The following RAB15 variants were observed in gnomAD, a reference collection of about 807,000 sequenced individuals.
The protein encoded by RAB15 is RAB15, member RAS oncogene family, also known as ras-related protein Rab-15.
In RAB15, 13 loss-of-function variants were observed where a neutral mutation model predicts 31.8. The observed-to-expected ratio is 0.41, with a 90% CI of 0.27 to 0.65. The LOEUF (loss-of-function observed/expected upper bound fraction) is 0.65. Ranked by LOEUF, RAB15 falls within the 30% of genes least tolerant of loss-of-function variation. RAB15 has a pLI of 0.32. For missense variants in RAB15, 220 were observed against 277.3 expected (o/e 0.79, Z 1.47); for synonymous variants, 100 against 105.6 (o/e 0.95, Z 0.33).
At chr14:64,961,969 C>T (rs1342181512) in intron 1 of RAB15, among the ~76,000 whole-genome samples, 1 of 150,744 alleles carries the variant, frequency 6.6e-6, no homozygotes, top group Non-Finnish European at 1.5e-5. Flanking sequence ...AATCCCAGCA[C>T]TTTGGGAGGC....
In RAB15 at chr14:64,964,524, AAAAAAAG is replaced by A. The variant is rs1443427115; in HGVS notation, c.124+7422_124+7428del. Among the ~76,000 whole-genome samples the A allele has an allele frequency of 9.9e-4, 146 of 147,862 alleles. 2 individuals are homozygous for A. Among genetic ancestry groups the A allele is most frequent in the Non-Finnish European group, 1.8e-3 (123 of 67,444 alleles). On this transcript the variant is annotated intron_variant, in intron 1 of 6. Transcript: ENST00000533601. ...ACAGAGCAAGACTCTGTTTCAAAAA[AAAAAAAG>A]AAAAAAAGAAAAAAGAAAGAAAAGA...
At chr14:64,960,500 T>C (rs894429182) in intron 1 of RAB15, among the ~76,000 whole-genome samples, 38 of 152,206 alleles carry the variant, frequency 2.5e-4, no homozygotes, top group Non-Finnish European at 5.3e-4. Context: ...CCTGCCTTTA[T>C]CACTAATTAC....
chr14:64,960,142 T>A (rs2139988752), intron 1 of RAB15, among the ~76,000 whole-genome samples: 1 of 152,290 alleles, frequency 6.6e-6, no homozygotes, highest in South Asian at 2.1e-4. Flanking sequence ...GGGACAGCGC[T>A]GCTGTTGGAG....
At position 64,970,536 on chromosome 14, in the gene RAB15, C is replaced by G. The variant is rs1386568794; in HGVS notation, c.124+1417G>C. On this transcript the variant is annotated intron_variant, in intron 1 of 6. Transcript: ENST00000533601. The surrounding 1 kb of genome is among the most constrained non-coding windows in gnomAD (Gnocchi z 4.1). ...CCCTAAGTCCTGTTGTTTCACCCTT[C>G]AAGTTGGTGAAACAAAGAGAGGAGA... Among the ~76,000 whole-genome samples, 1 of 152,208 alleles carries G rather than the reference C, an allele frequency of 6.6e-6. No individual in the cohort carries two copies. The highest frequency in any genetic ancestry group is 1.5e-5 in the Non-Finnish European group (1 of 68,046).
In RAB15 at chr14:64,946,740, G is replaced by A. The variant is rs1207402345; in HGVS notation, c.*1614C>T. On this transcript the variant is annotated 3_prime_UTR_variant, in exon 7 of 7. Transcript: ENST00000533601. The stretch of plus-strand genomic sequence containing the variant: ...TTAGTTGATGAATACTCAACACCCA[G>A]TTCTTTGTTTTGGCTGCAGCCACGC... 6.6e-6 allele frequency: 1 copy of A among 152,366 alleles called. No homozygotes were observed. The highest frequency in any genetic ancestry group is 1.5e-5 in the Non-Finnish European group (1 of 68,060). 9.4% of individuals were successfully genotyped at this position (152,366 alleles called of 1,614,324 possible). A position where few individuals can be genotyped will look rare whatever the true frequency, so the allele number is the denominator to read the frequency against.
rs927468483 is a variant in RAB15, at chr14:64,951,335, A to G, written c.247-184T>C. Among the ~76,000 whole-genome samples the G allele has an allele frequency of 6.6e-6, 1 of 152,178 alleles. No individual in the cohort carries two copies. The highest frequency in any genetic ancestry group is 2.4e-5 in the African/African-American group (1 of 41,456). On this transcript the variant is annotated intron_variant, in intron 3 of 6. Coordinates refer to ENST00000533601, the MANE Select transcript of RAB15 (RefSeq NM_001308154.2). This position sits in a 1 kb window ranked among gnomAD's most constrained non-coding sequence, Gnocchi z 7.2. ...TCCCAGGCCCATCACAGAACTCTCT[A>G]CAGCAGGAAGACACCACATGCTTTG...
chr14:64,948,843 A>C lies in RAB15; in HGVS notation c.415-110T>G. 5.3e-6 allele frequency: 5 copies of C among 936,248 alleles called. No homozygotes were observed. The highest frequency in any genetic ancestry group is 8.3e-6 in the Non-Finnish European group (5 of 599,338). The allele number at this position is 936,248 out of a possible 1,614,324, so 58.0% of individuals were successfully genotyped here. A position where few individuals can be genotyped will look rare whatever the true frequency, so the allele number is the denominator to read the frequency against. ...CTCACAACCATGCTGTGTTGTGACG[A>C]TTTCTCAGAGTAGATAATTTCTCAG... On this transcript the variant is annotated intron_variant, in intron 5 of 6. Transcript: ENST00000533601. This position sits in a 1 kb window ranked among gnomAD's most constrained non-coding sequence, Gnocchi z 7.0.
At position 64,970,688 on chromosome 14, in the gene RAB15, C is replaced by T. The variant is rs1391737769; in HGVS notation, c.124+1265G>A. Among the ~76,000 whole-genome samples, 1 of 152,218 alleles carries T rather than the reference C, an allele frequency of 6.6e-6. No homozygotes were observed. ...TCATTTAATCTTGACAACAACTTGGCAGGTAGGTGCAATTATTATACCCGT... is the reference window on the plus strand; with the variant it reads ...TCATTTAATCTTGACAACAACTTGGTAGGTAGGTGCAATTATTATACCCGT... On this transcript the variant is annotated intron_variant, in intron 1 of 6. Coordinates refer to ENST00000533601, the MANE Select transcript of RAB15 (RefSeq NM_001308154.2). The surrounding 1 kb of genome is among the most constrained non-coding windows in gnomAD (Gnocchi z 4.1).
At chr14:64,964,518 CAAAAAAAAAAAAGA>C (rs1887020461) in intron 1 of RAB15, among the ~76,000 whole-genome samples, 3 of 71,940 alleles carry the variant, frequency 4.2e-5, no homozygotes, top group African/African-American at 6.2e-5. Flanking sequence ...GACTCTGTTT[CAAAAAAAAAAAAGA>C]AAAAAAGAAA....
In RAB15 at chr14:64,968,422, A is replaced by C. The variant is rs1202589259; in HGVS notation, c.124+3531T>G. On this transcript the variant is annotated intron_variant, in intron 1 of 6. Transcript: ENST00000533601. This position sits in a 1 kb window ranked among gnomAD's most constrained non-coding sequence, Gnocchi z 4.9. ...TCTCTCTTCCCCAGCCTCCGACAGC[A>C]TGGAGTCGTGGGAATAGCACTCACC... 2.6e-5 allele frequency among the ~76,000 whole-genome samples: 4 copies of C among 152,154 alleles called. No individual in the cohort carries two copies. Among genetic ancestry groups the C allele is most frequent in the Admixed American group, 1.3e-4 (2 of 15,276 alleles).
At position 64,952,220 on chromosome 14, in the gene RAB15, G is replaced by A. The variant is rs1886292451; in HGVS notation, c.185+291C>T. On this transcript the variant is annotated intron_variant, in intron 2 of 6. Coordinates refer to ENST00000533601, the MANE Select transcript of RAB15 (RefSeq NM_001308154.2). This position sits in a 1 kb window ranked among gnomAD's most constrained non-coding sequence, Gnocchi z 4.2. ...TTCCTTCCAATCTTAACATAGTGTG[G>A]CACAGCCCAAGGGCAAAGCCTAATC... Among the ~76,000 whole-genome samples the A allele has an allele frequency of 6.6e-6, 1 of 152,182 alleles. No individual in the cohort carries two copies. Among genetic ancestry groups the A allele is most frequent in the Admixed American group, 6.5e-5 (1 of 15,284 alleles).
rs1191010773 is a variant in RAB15 at position 64,951,990 on chromosome 14, A to C, written c.186-327T>G. On this transcript the variant is annotated intron_variant, in intron 2 of 6. Coordinates refer to ENST00000533601, the MANE Select transcript of RAB15 (RefSeq NM_001308154.2). The surrounding 1 kb of genome is among the most constrained non-coding windows in gnomAD (Gnocchi z 7.2). The stretch of plus-strand genomic sequence containing the variant: ...GGGAGTTGGCAGGGGATGCTGCTAC[A>C]CCCCTAGTCCCTATGGGACCTCTGA... Among the ~76,000 whole-genome samples the C allele has an allele frequency of 6.6e-6, 1 of 152,010 alleles. No individual in the cohort carries two copies. Among genetic ancestry groups the C allele is most frequent in the Non-Finnish European group, 1.5e-5 (1 of 68,000 alleles).
Position 64,950,579 on chromosome 14 carries a change from C to T in RAB15, c.325-165G>A, listed in dbSNP as rs1368032912. 1 of 681,678 alleles carries T rather than the reference C, an allele frequency of 1.5e-6. No homozygotes were observed. The highest frequency in any genetic ancestry group is 1.8e-5 in the African/African-American group (1 of 56,568). The allele number at this position is 681,678 out of a possible 1,614,324, so 42.2% of individuals were successfully genotyped here. A position where few individuals can be genotyped will look rare whatever the true frequency, so the allele number is the denominator to read the frequency against. On this transcript the variant is annotated intron_variant, in intron 4 of 6. Transcript: ENST00000533601. The surrounding 1 kb of genome is among the most constrained non-coding windows in gnomAD (Gnocchi z 5.6). ...GGCTCCCCCAAGTGCCATGGCTGAC[C>T]TCAAGGGTATCACGGGGAGAGCTTA...
chr14:64,963,109 CTTTTTT>C (rs1165246293), intron 1 of RAB15, among the ~76,000 whole-genome samples: 15 of 96,404 alleles, frequency 1.6e-4, no homozygotes, highest in Middle Eastern at 0.013. Context: ...CCCTTCCCCA[CTTTTTT>C]TTTTTTTTTT....
intron 1 of RAB15, among the ~76,000 whole-genome samples, chr14:64,956,530 C>CA (rs1251130622): frequency 1.3e-5 from 2 of 152,136 alleles, no homozygotes; most frequent in Non-Finnish European, 2.9e-5. Flanking sequence ...CAATCAGTTT[C>CA]AATAAGCTCT....
Position 64,954,674 on chromosome 14 carries a change from G to T in RAB15, c.125-2103C>A. 3.6e-6 allele frequency: 1 copy of T among 274,616 alleles called. No individual in the cohort carries two copies. Among genetic ancestry groups the T allele is most frequent in the Non-Finnish European group, 5.6e-6 (1 of 179,920 alleles). 17.0% of individuals were successfully genotyped at this position (274,616 alleles called of 1,614,324 possible). ...GAAACAAGGGCTCAGAGAGGTCAATGGCTAGCCAGGGTCAGCACAGCACGT... is the reference window on the plus strand; with the variant it reads ...GAAACAAGGGCTCAGAGAGGTCAATTGCTAGCCAGGGTCAGCACAGCACGT... On this transcript the variant is annotated intron_variant, in intron 1 of 6. Coordinates refer to ENST00000533601, the MANE Select transcript of RAB15 (RefSeq NM_001308154.2). The surrounding 1 kb of genome is among the most constrained non-coding windows in gnomAD (Gnocchi z 4.3).
At position 64,948,254 on chromosome 14, in the gene RAB15, C is replaced by T; in HGVS notation, c.*100G>A. On this transcript the variant is annotated 3_prime_UTR_variant, in exon 7 of 7. Transcript: ENST00000533601. The surrounding 1 kb of genome is among the most constrained non-coding windows in gnomAD (Gnocchi z 7.0). ...GGCTACTGATACTCAATAGGGTCAT[C>T]ACACGAGAGGACAGCAGCAGGGCAA... is the stretch of plus-strand genomic sequence containing the variant. 7.8e-7 allele frequency: 1 copy of T among 1,284,214 alleles called. No homozygotes were observed. Among genetic ancestry groups the T allele is most frequent in the Non-Finnish European group, 1.0e-6 (1 of 965,998 alleles). 79.6% of individuals were successfully genotyped at this position (1,284,214 alleles called of 1,614,324 possible).
rs1445748040 is a variant in RAB15 at position 64,953,403 on chromosome 14, G to C, written c.125-832C>G. Among the ~76,000 whole-genome samples the C allele has an allele frequency of 6.6e-6, 1 of 152,234 alleles. No individual in the cohort carries two copies. The highest frequency in any genetic ancestry group is 1.5e-5 in the Non-Finnish European group (1 of 68,048). ...AATTGACTGCAGCTGTCATGAGCTA[G>C]TGCAGGGCCGGGTACATGCGGGTGC... On this transcript the variant is annotated intron_variant, in intron 1 of 6. Coordinates refer to ENST00000533601, the MANE Select transcript of RAB15 (RefSeq NM_001308154.2). This position sits in a 1 kb window ranked among gnomAD's most constrained non-coding sequence, Gnocchi z 4.6.
rs528937662 is a variant in RAB15, at chr14:64,957,471, G to T, written c.125-4900C>A. ...TACCCTTGCCAGCCAAGGGACTAGA[G>T]CATCAGCAGCATCAGAGGTGTGTGA... On this transcript the variant is annotated intron_variant, in intron 1 of 6. Transcript: ENST00000533601. Among the ~76,000 whole-genome samples the T allele has an allele frequency of 1.4e-3, 212 of 152,300 alleles. 2 individuals are homozygous for T. The highest frequency in any genetic ancestry group is 4.7e-3 in the African/African-American group (195 of 41,552).
Sources: gnomAD v4.1 joint callset for allele counts (sites outside exome capture counted in the v4.1 genomes callset) on GRCh38, gnomAD v4.1.1 for gene constraint, Gnocchi (gnomAD v3.1) non-coding constraint, MANE v1.5 for transcripts, NCBI Gene and HGNC (gene_info 2026-07-23, HGNC 2026-07-21) for gene names.